The following FOXN3 variants were observed in gnomAD, a reference collection of about 807,000 sequenced individuals.
FOXN3 encodes the protein forkhead box N3, also known as forkhead box protein N3.
In FOXN3, 7 loss-of-function variants were observed where a neutral mutation model predicts 38.4. The ratio of observed to expected loss-of-function variants is 0.18; its 90% CI spans 0.10 to 0.34. The LOEUF is 0.34. Ranked by LOEUF, FOXN3 falls within the 10% of genes least tolerant of loss-of-function variation. The pLI, the probability that FOXN3 is intolerant of heterozygous loss-of-function variation, is 1.00. For missense variants in FOXN3, 456 were observed against 613.4 expected (o/e 0.74, Z 2.71); for synonymous variants, 230 against 242.2 (o/e 0.95, Z 0.47).
chr14:89,189,681 C>T (rs1053328815), intron 4 of FOXN3, among the ~76,000 whole-genome samples: 1 of 152,144 alleles, frequency 6.6e-6, no homozygotes, highest in African/African-American at 2.4e-5. Flanking sequence ...TTTCTAAAAC[C>T]ATGGTAGACT....
chr14:89,383,964 A>T (rs929883613), intron 2 of FOXN3, among the ~76,000 whole-genome samples: 3 of 152,044 alleles, frequency 2.0e-5, no homozygotes, highest in Non-Finnish European at 2.9e-5. Flanking sequence ...TAAAAAAAAA[A>T]TGCTATTTTA....
intron 3 of FOXN3, among the ~76,000 whole-genome samples, chr14:89,288,846 C>T (rs1022643262): frequency 7.4e-5 from 11 of 149,502 alleles, no homozygotes; most frequent in African/African-American, 1.2e-4. Context: ...TTCAACACTA[C>T]GTACTGAAAA....
intron 3 of FOXN3, among the ~76,000 whole-genome samples, chr14:89,321,585 A>T (rs1887899121): frequency 6.6e-6 from 1 of 152,152 alleles, no homozygotes; most frequent in African/African-American, 2.4e-5. Flanking sequence ...TCAAAAAAAT[A>T]AAATAAAATA....
chr14:89,329,880 A>G (rs1888193759), intron 3 of FOXN3, among the ~76,000 whole-genome samples: 1 of 141,860 alleles, frequency 7.0e-6, no homozygotes. Flanking sequence ...AAAAAAAAAA[A>G]AAAAAAAGAA....
intron 1 of FOXN3, among the ~76,000 whole-genome samples, chr14:89,425,062 C>CTTTTTTTTTTTTTTTTT (rs3994032): frequency 2.9e-5 from 3 of 104,220 alleles, no homozygotes; most frequent in African/African-American, 3.8e-5. Flanking sequence ...GTTTTCTTTT[C>CTTTTTTTTTTTTTTTTT]TTTTTTTTTT....
intron 3 of FOXN3, among the ~76,000 whole-genome samples, chr14:89,286,911 G>A (rs1219177802): frequency 3.9e-5 from 6 of 152,130 alleles, no homozygotes; most frequent in Admixed American, 1.3e-4. Context: ...TTCCAAAGAA[G>A]CTTGAGTGTC....
chr14:89,506,802 G>T (rs1893949861), intron 1 of FOXN3, among the ~76,000 whole-genome samples: 1 of 152,202 alleles, frequency 6.6e-6, no homozygotes, highest in Non-Finnish European at 1.5e-5. Flanking sequence ...TCTGCCTTAG[G>T]ATCCTGTTGA....
At chr14:89,530,486 C>T (rs1894534758) in intron 1 of FOXN3, among the ~76,000 whole-genome samples, 1 of 152,160 alleles carries the variant, frequency 6.6e-6, no homozygotes, top group Non-Finnish European at 1.5e-5. Context: ...CCCACCAGGT[C>T]CCTCCCATTA....
At chr14:89,510,444 A>T (rs1282372904) in intron 1 of FOXN3, among the ~76,000 whole-genome samples, 1 of 152,206 alleles carries the variant, frequency 6.6e-6, no homozygotes, top group Non-Finnish European at 1.5e-5. Flanking sequence ...ACAGCTAAGC[A>T]GAGAGGGGTG....
intron 2 of FOXN3, chr14:89,409,535 C>T (rs1224811908): frequency 3.9e-5 from 6 of 152,190 alleles, no homozygotes; most frequent in Admixed American, 6.5e-5. Flanking sequence ...CTATGTGCAC[C>T]GGCATTATGT....
intron 4 of FOXN3, among the ~76,000 whole-genome samples, chr14:89,254,111 G>A (rs1394434367): frequency 6.6e-6 from 1 of 152,178 alleles, no homozygotes; most frequent in Non-Finnish European, 1.5e-5. Flanking sequence ...ACTTGCCCCT[G>A]TGAAACTTAA....
chr14:89,590,037 A>G (rs1302233834), intron 1 of FOXN3, among the ~76,000 whole-genome samples: 1 of 152,198 alleles, frequency 6.6e-6, no homozygotes, highest in African/African-American at 2.4e-5. Flanking sequence ...TGGGCATCTA[A>G]GCAGCCGAAA....
chr14:89,236,102 G>C (rs2093008093), intron 4 of FOXN3, among the ~76,000 whole-genome samples: 1 of 152,146 alleles, frequency 6.6e-6, no homozygotes. Context: ...TTCCTTTCTT[G>C]GATGTAGTCA....
chr14:89,318,728 C>G (rs1487766583), intron 3 of FOXN3, among the ~76,000 whole-genome samples: 2 of 152,232 alleles, frequency 1.3e-5, no homozygotes, highest in Non-Finnish European at 2.9e-5. Context: ...AATGCACAGA[C>G]AGGTGATATA....
chr14:89,170,500 C>T (rs1437256434), intron 5 of FOXN3, among the ~76,000 whole-genome samples: 1 of 152,168 alleles, frequency 6.6e-6, no homozygotes, highest in Non-Finnish European at 1.5e-5. Flanking sequence ...TGGTCTTGAA[C>T]TTGTGGCCTC....
intron 1 of FOXN3, among the ~76,000 whole-genome samples, chr14:89,448,030 T>C (rs998836133): frequency 1.2e-4 from 18 of 152,074 alleles, no homozygotes; most frequent in African/African-American, 4.1e-4. Context: ...GTCAGGCTGG[T>C]CTCGAACTCC....
intron 1 of FOXN3, among the ~76,000 whole-genome samples, chr14:89,462,185 C>T (rs1055843271): frequency 1.3e-5 from 2 of 152,184 alleles, no homozygotes; most frequent in Admixed American, 6.5e-5. Context: ...CCTTGATGGG[C>T]TCTCCCAATC....
intron 3 of FOXN3, among the ~76,000 whole-genome samples, chr14:89,299,337 G>A (rs1887147004): frequency 6.6e-6 from 1 of 152,204 alleles, no homozygotes; most frequent in Non-Finnish European, 1.5e-5. Flanking sequence ...TGTCTTGCCT[G>A]CCACCATGTA....
intron 1 of FOXN3, among the ~76,000 whole-genome samples, chr14:89,582,471 T>C (rs1046464041): frequency 1.3e-5 from 2 of 149,566 alleles, no homozygotes; most frequent in African/African-American, 4.9e-5. Context: ...CCTAGGTGAG[T>C]TGACTTTAAA....
Sources: gnomAD v4.1 joint callset for allele counts (sites outside exome capture counted in the v4.1 genomes callset) on GRCh38, gnomAD v4.1.1 for gene constraint, MANE v1.5 for transcripts, NCBI Gene and HGNC (gene_info 2026-07-23, HGNC 2026-07-21) for gene names.